The following PTPN2 variants were observed in gnomAD, a reference collection of about 807,000 sequenced individuals.
PTPN2 encodes the protein tyrosine-protein phosphatase non-receptor type 2.
In PTPN2, 19 loss-of-function variants were observed where a neutral mutation model predicts 57.3. That is an observed-to-expected ratio of 0.33 (90% CI 0.23 to 0.49). The LOEUF is 0.49. Ranked by LOEUF, PTPN2 falls within the 20% of genes least tolerant of loss-of-function variation. The probability of loss-of-function intolerance (pLI) is 0.99; values close to 1 mark genes in which losing one functional copy is unlikely to be tolerated. For synonymous variants in PTPN2, 153 were observed against 164.9 expected (o/e 0.93, Z 0.55); for missense variants, 358 against 501.1 (o/e 0.71, Z 2.73).
At chr18:12,788,100 T>C (rs1228949205), downstream of PTPN2, 1 of 154,788 alleles carries the variant, frequency 6.5e-6, no homozygotes, top group Non-Finnish European at 1.5e-5. Context: ...AAACTCAAAA[T>C]AACTGAAGTT....
intron 1 of PTPN2, among the ~76,000 whole-genome samples, chr18:12,879,240 G>C (rs2044590350): frequency 6.6e-6 from 1 of 152,128 alleles, no homozygotes; most frequent in Admixed American, 6.5e-5. Context: ...CTGACCTCAA[G>C]TGATCCTCCC....
At chr18:12,881,157 C>G (rs1327872023) in intron 1 of PTPN2, among the ~76,000 whole-genome samples, 2 of 152,138 alleles carry the variant, frequency 1.3e-5, no homozygotes, top group East Asian at 3.9e-4. Flanking sequence ...ATGATCAGCC[C>G]AGAGCAGTGG....
chr18:12,823,087 T>G (rs1165764808), intron 5 of PTPN2, among the ~76,000 whole-genome samples: 2 of 152,194 alleles, frequency 1.3e-5, no homozygotes, highest in East Asian at 3.9e-4. Flanking sequence ...TAATTCTGCC[T>G]CTCATACTGA....
chr18:12,828,053 CAA>C (rs2042540245), intron 4 of PTPN2, among the ~76,000 whole-genome samples: 1 of 151,524 alleles, frequency 6.6e-6, no homozygotes, highest in African/African-American at 2.4e-5. Context: ...ATAAAAAGAA[CAA>C]GAGACTTATA....
chr18:12,830,694 T>C (rs2042638033), intron 4 of PTPN2, among the ~76,000 whole-genome samples: 1 of 152,204 alleles, frequency 6.6e-6, no homozygotes, highest in African/African-American at 2.4e-5. Flanking sequence ...CAAAGATCTA[T>C]ATGTCACTGC....
chr18:12,801,857 AT>A, intron 8 of PTPN2, 112 bp downstream of exon 8: 1 of 1,040,800 alleles, frequency 9.6e-7, no homozygotes, highest in South Asian at 1.6e-5. Context: ...GCGTGATTGT[AT>A]TTTCCTAATA....
intron 1 of PTPN2, chr18:12,880,746 C>T (rs2044641682): frequency 6.6e-6 from 1 of 152,208 alleles, no homozygotes; most frequent in African/African-American, 2.4e-5. Flanking sequence ...AGATTCTGTC[C>T]TTGGCCTTTG....
At chr18:12,838,408 C>A (rs2042940975) in intron 2 of PTPN2, among the ~76,000 whole-genome samples, 1 of 152,174 alleles carries the variant, frequency 6.6e-6, no homozygotes, top group Admixed American at 6.5e-5. Flanking sequence ...AGACCTTCAG[C>A]CAGAGTATTT....
chr18:12,805,950 T>C (rs1010990692), intron 7 of PTPN2, among the ~76,000 whole-genome samples: 6 of 152,072 alleles, frequency 3.9e-5, no homozygotes, highest in Non-Finnish European at 8.8e-5. Context: ...TTCAACACTT[T>C]TATTCAGCAT....
intron 1 of PTPN2, among the ~76,000 whole-genome samples, chr18:12,871,464 GCT>G (rs563273122): frequency 1.4e-4 from 21 of 152,004 alleles, no homozygotes; most frequent in African/African-American, 4.6e-4. Flanking sequence ...CTGTATTTCC[GCT>G]CTCTTTTTGA....
At chr18:12,787,109 C>T (rs2040862623) in intron 9 of PTPN2, 1 of 152,184 alleles carries the variant, frequency 6.6e-6, no homozygotes, top group South Asian at 2.1e-4. Flanking sequence ...TCTAGTATTT[C>T]TCTGTTGCAG....
chr18:12,851,020 G>A (rs574577574), intron 2 of PTPN2, among the ~76,000 whole-genome samples: 92 of 152,198 alleles, frequency 6.0e-4, no homozygotes, highest in Non-Finnish European at 7.6e-4. Flanking sequence ...GATTACAGGC[G>A]TGAGCCACAG....
chr18:12,869,714 A>G (rs926255379), intron 1 of PTPN2, among the ~76,000 whole-genome samples: 1 of 152,220 alleles, frequency 6.6e-6, no homozygotes, highest in African/African-American at 2.4e-5. Context: ...TTTTAATTTT[A>G]TAAGGTAGGA....
chr18:12,878,974 G>A (rs1358766135), intron 1 of PTPN2, among the ~76,000 whole-genome samples: 1 of 152,178 alleles, frequency 6.6e-6, no homozygotes, highest in African/African-American at 2.4e-5. Context: ...TAGGCACACA[G>A]ACTCCATTCC....
chr18:12,870,114 C>A (rs2044136226), intron 1 of PTPN2, among the ~76,000 whole-genome samples: 1 of 150,400 alleles, frequency 6.6e-6, no homozygotes, highest in Non-Finnish European at 1.5e-5. Flanking sequence ...TGTCACTGAA[C>A]CCTACTGTGT....
chr18:12,824,174 A>C (rs552856310), intron 5 of PTPN2, among the ~76,000 whole-genome samples: 5 of 152,360 alleles, frequency 3.3e-5, no homozygotes, highest in Admixed American at 3.3e-4. Flanking sequence ...ATGTAAATGG[A>C]AAGAGTTGGG....
At chr18:12,837,731 C>T (rs758651813) in intron 2 of PTPN2, among the ~76,000 whole-genome samples, 21 of 151,504 alleles carry the variant, frequency 1.4e-4, no homozygotes, top group Non-Finnish European at 2.5e-4. Flanking sequence ...TACAAGTTGT[C>T]CCTCTCAAAG....
chr18:12,867,705 C>T (rs2145500200), intron 1 of PTPN2, among the ~76,000 whole-genome samples: 1 of 152,296 alleles, frequency 6.6e-6, no homozygotes, highest in South Asian at 2.1e-4. Context: ...ACGCTCATTT[C>T]GCACACCTCT....
At chr18:12,874,767 G>A (rs2044428122) in intron 1 of PTPN2, among the ~76,000 whole-genome samples, 1 of 152,036 alleles carries the variant, frequency 6.6e-6, no homozygotes, top group South Asian at 2.1e-4. Flanking sequence ...TGGGAAGTGA[G>A]GAGCCCCTCT....
Sources: gnomAD v4.1 joint callset for allele counts (sites outside exome capture counted in the v4.1 genomes callset) on GRCh38, gnomAD v4.1.1 for gene constraint, MANE v1.5 for transcripts, NCBI Gene and HGNC (gene_info 2026-07-23, HGNC 2026-07-21) for gene names.